Variants in YES1 observed in about 807,000 individuals in gnomAD.
The protein encoded by YES1 is YES proto-oncogene 1, Src family tyrosine kinase.
YES1 carries 39 observed loss-of-function variants against 70.4 expected under a neutral mutation model. The observed-to-expected ratio is 0.55, with a 90% confidence interval of 0.43 to 0.72. The LOEUF (loss-of-function observed/expected upper bound fraction) is 0.72. YES1 is among the 30% of genes least tolerant of loss of function. The pLI, the probability that YES1 is intolerant of heterozygous loss-of-function variation, is 0.00. For synonymous variants in YES1, 198 were observed against 218.6 expected (o/e 0.91, Z 0.83); for missense variants, 495 against 644.8 (o/e 0.77, Z 2.52).
chr18:797,450 G>A (rs1431347836), intron 1 of YES1, among the ~76,000 whole-genome samples: 2 of 151,108 alleles, frequency 1.3e-5, no homozygotes, highest in Non-Finnish European at 2.9e-5. Flanking sequence ...ATGGAAAGAG[G>A]AAAAACAAAA....
At chr18:743,689 C>T (rs941844267) in intron 6 of YES1, among the ~76,000 whole-genome samples, 5 of 152,052 alleles carry the variant, frequency 3.3e-5, no homozygotes, top group East Asian at 1.9e-4. Flanking sequence ...AGATGAATCA[C>T]GAGGTCAGGA....
At chr18:784,782 C>G (rs942393077) in intron 1 of YES1, among the ~76,000 whole-genome samples, 2 of 152,192 alleles carry the variant, frequency 1.3e-5, no homozygotes, top group African/African-American at 4.8e-5. Context: ...CATTGTTACT[C>G]TATTATGCCT....
intron 1 of YES1, among the ~76,000 whole-genome samples, chr18:773,891 G>C (rs965478138): frequency 7.2e-5 from 11 of 151,854 alleles, no homozygotes; most frequent in African/African-American, 2.4e-4. Flanking sequence ...GAGTGCAGTG[G>C]TGTGATCTCG....
chr18:752,594 T>C (rs1405569828), intron 2 of YES1, among the ~76,000 whole-genome samples: 2 of 152,212 alleles, frequency 1.3e-5, no homozygotes, highest in African/African-American at 2.4e-5. Flanking sequence ...ATTTACTAGT[T>C]TTAGCAAAAT....
At chr18:812,000 C>CGCGGGGGCGGGGAACCGCGGCGGCG (rs1783786970) in intron 1 of YES1, 114 bp downstream of exon 1, 1 of 159,412 alleles carries the variant, frequency 6.3e-6, no homozygotes, top group Non-Finnish European at 1.2e-5. Context: ...GACTCGGGCC[C>CGCGGGGGCGGGGAACCGCGGCGGCG]GCGGGGGCGG....
At chr18:772,360 A>G (rs1260044387) in intron 1 of YES1, among the ~76,000 whole-genome samples, 1 of 151,878 alleles carries the variant, frequency 6.6e-6, no homozygotes, top group South Asian at 2.1e-4. Context: ...AGGTCTTGAT[A>G]CTAGGTAAAC....
chr18:772,892 TTC>T (rs1485609559), intron 1 of YES1, among the ~76,000 whole-genome samples: 1 of 152,178 alleles, frequency 6.6e-6, no homozygotes, highest in East Asian at 1.9e-4. Flanking sequence ...AATTGCCTGT[TTC>T]TGAGTTTGCA....
chr18:749,296 C>T (rs2080315812), intron 3 of YES1, among the ~76,000 whole-genome samples: 3 of 150,842 alleles, frequency 2.0e-5, no homozygotes, highest in Non-Finnish European at 4.4e-5. Context: ...GAGTTCGTGA[C>T]CAGCCTGGCC....
intron 11 of YES1, among the ~76,000 whole-genome samples, chr18:731,966 C>T (rs370674863): frequency 2.5e-5 from 2 of 79,970 alleles, no homozygotes; most frequent in African/African-American, 1.0e-4. Context: ...GACTCCATTT[C>T]AAAAAAAAAA....
intron 1 of YES1, among the ~76,000 whole-genome samples, chr18:793,644 T>A (rs944111005): frequency 2.6e-5 from 4 of 152,114 alleles, no homozygotes; most frequent in African/African-American, 9.7e-5. Context: ...ACCTGCATGA[T>A]CCCTTATACA....
chr18:766,189 T>C (rs902787756), intron 1 of YES1, among the ~76,000 whole-genome samples: 1 of 152,182 alleles, frequency 6.6e-6, no homozygotes, highest in African/African-American at 2.4e-5. Context: ...GTAGTAAATA[T>C]TGATTTATTT....
intron 1 of YES1, among the ~76,000 whole-genome samples, chr18:804,633 C>A (rs1216676743): frequency 8.0e-6 from 1 of 124,446 alleles, no homozygotes; most frequent in Non-Finnish European, 1.7e-5. Flanking sequence ...AAAAAAAAGG[C>A]CAGCTGAGGT....
intron 1 of YES1, among the ~76,000 whole-genome samples, chr18:757,667 C>G (rs1904363483): frequency 6.7e-6 from 1 of 148,420 alleles, no homozygotes; most frequent in Admixed American, 6.7e-5. Context: ...GATAAAAATA[C>G]AAAAATTAGC....
rs1230148985 is a variant in YES1 at position 739,814 on chromosome 18, G to A, written c.1061-3C>T. ...CTTAAGGAAATCTAATAAGCTTCCT[G>A]TAACAGACAGCAAGATATTCATAAA... is the stretch of plus-strand genomic sequence containing the variant. On this transcript the variant is annotated splice_region_variant and splice_polypyrimidine_tract_variant and intron_variant, in intron 8 of 11. Transcript: ENST00000314574. The A allele has an allele frequency of 6.2e-7, 1 of 1,605,288 alleles. No individual in the cohort carries two copies. The highest frequency in any genetic ancestry group is 8.5e-7 in the Non-Finnish European group (1 of 1,176,468).
At chr18:782,163 T>A (rs147671864) in intron 1 of YES1, among the ~76,000 whole-genome samples, 2 of 152,226 alleles carry the variant, frequency 1.3e-5, no homozygotes, top group African/African-American at 2.4e-5. Flanking sequence ...TTAGTCTCTC[T>A]TCATCTTTCA....
intron 1 of YES1, among the ~76,000 whole-genome samples, chr18:803,928 G>A (rs556439639): frequency 1.3e-5 from 2 of 152,306 alleles, no homozygotes; most frequent in East Asian, 1.9e-4. Flanking sequence ...TAGAAATCAG[G>A]CCAAAAGGCT....
intron 1 of YES1, chr18:775,283 A>T (rs973249529): frequency 6.6e-6 from 1 of 152,184 alleles, no homozygotes; most frequent in Non-Finnish European, 1.5e-5. Context: ...ATGTGGGCAA[A>T]TTTAAAAAAA....
chr18:805,960 G>A (rs1213043978), intron 1 of YES1, among the ~76,000 whole-genome samples: 1 of 152,170 alleles, frequency 6.6e-6, no homozygotes, highest in Non-Finnish European at 1.5e-5. Flanking sequence ...AATAGAGGCT[G>A]AAAACCAGAC....
intron 8 of YES1, among the ~76,000 whole-genome samples, chr18:741,655 T>A (rs543451502): frequency 1.3e-5 from 2 of 151,898 alleles, no homozygotes; most frequent in Non-Finnish European, 2.9e-5. Context: ...ATACACAAAT[T>A]ATCTATGTGT....
Sources: gnomAD v4.1 joint callset for allele counts (sites outside exome capture counted in the v4.1 genomes callset) on GRCh38, gnomAD v4.1.1 for gene constraint, MANE v1.5 for transcripts, NCBI Gene and HGNC (gene_info 2026-07-23, HGNC 2026-07-21) for gene names.